TFAP2D: variants seen among roughly 807,000 people sequenced by gnomAD.
TFAP2D encodes the protein transcription factor AP-2-delta.
Under a neutral mutation model 43.6 loss-of-function variants are expected in TFAP2D, and 9 were observed. That is an observed-to-expected ratio of 0.21 (90% CI 0.12 to 0.36). The LOEUF (loss-of-function observed/expected upper bound fraction) is 0.36, where lower values mean the gene tolerates loss of function less well. Among genes scored for constraint, TFAP2D ranks in the 10% least tolerant of loss-of-function variants. The pLI, the probability that TFAP2D is intolerant of heterozygous loss-of-function variation, is 1.00. For missense variants in TFAP2D, 513 were observed against 561.4 expected (o/e 0.91, Z 0.87); for synonymous variants, 256 against 224.9 (o/e 1.14, Z -1.24).
At chr6:50,729,048 G>T in intron 4 of TFAP2D, 27 bp downstream of exon 4, 1 of 1,611,992 alleles carries the variant, frequency 6.2e-7, no homozygotes, top group South Asian at 1.1e-5. Context: ...TTCTGGCACA[G>T]AATTTCTGCT....
At chr6:50,760,529 G>T (rs1769348833) in intron 7 of TFAP2D, among the ~76,000 whole-genome samples, 1 of 152,020 alleles carries the variant, frequency 6.6e-6, no homozygotes, top group Non-Finnish European at 1.5e-5. Context: ...TCAAGGTTTT[G>T]CTTAATGAGT....
At chr6:50,740,022 A>G (rs1769015637) in intron 5 of TFAP2D, among the ~76,000 whole-genome samples, 2 of 152,218 alleles carry the variant, frequency 1.3e-5, no homozygotes, top group Admixed American at 1.3e-4. Flanking sequence ...TCAGGGCATC[A>G]GATATACTTA....
chr6:50,718,253 G>T (rs1028934172), intron 2 of TFAP2D: 1 of 152,076 alleles, frequency 6.6e-6, no homozygotes, highest in Non-Finnish European at 1.5e-5. Flanking sequence ...GAGGCGAAAG[G>T]GAGCCAGGGT....
At chr6:50,756,284 A>G (rs1382404689) in intron 7 of TFAP2D, among the ~76,000 whole-genome samples, 2 of 152,070 alleles carry the variant, frequency 1.3e-5, no homozygotes, top group African/African-American at 2.4e-5. Context: ...GAAAGCAGAC[A>G]ATTGTCAGAG....
At chr6:50,725,777 CT>C (rs1196871684) in intron 3 of TFAP2D, among the ~76,000 whole-genome samples, 1 of 152,138 alleles carries the variant, frequency 6.6e-6, no homozygotes, top group East Asian at 1.9e-4. Context: ...TGACCTACTA[CT>C]TTTTTCCACC....
intron 3 of TFAP2D, among the ~76,000 whole-genome samples, chr6:50,728,575 G>A (rs1292249485): frequency 6.6e-6 from 1 of 152,094 alleles, no homozygotes; most frequent in Non-Finnish European, 1.5e-5. Context: ...TGTGGATGTT[G>A]CCAAAATTAG....
At chr6:50,740,067 G>T (rs1365059602) in intron 5 of TFAP2D, among the ~76,000 whole-genome samples, 1 of 152,144 alleles carries the variant, frequency 6.6e-6, no homozygotes, top group Admixed American at 6.5e-5. Context: ...GCTAAAGCTT[G>T]ATAGTATAAG....
At chr6:50,764,286 T>TTTA (rs1347838358) in intron 7 of TFAP2D, among the ~76,000 whole-genome samples, 1 of 152,204 alleles carries the variant, frequency 6.6e-6, no homozygotes, top group Non-Finnish European at 1.5e-5. Context: ...TATTGCCAGC[T>TTTA]TTAAAGATTG....
chr6:50,733,697 A>C (rs1254120645), intron 5 of TFAP2D, among the ~76,000 whole-genome samples: 2 of 152,088 alleles, frequency 1.3e-5, no homozygotes, highest in African/African-American at 4.8e-5. Context: ...TATTCAAATA[A>C]ATACAAGGAG....
At chr6:50,746,975 A>G (rs1769133881) in intron 6 of TFAP2D, among the ~76,000 whole-genome samples, 1 of 152,192 alleles carries the variant, frequency 6.6e-6, no homozygotes, top group African/African-American at 2.4e-5. Flanking sequence ...AATAGCAGAA[A>G]GAGAGTATGA....
Position 50,746,227 on chromosome 6 carries a change from TTTTG to T in TFAP2D, c.1025+1004_1025+1007del, listed in dbSNP as rs3830761. Among the ~76,000 whole-genome samples the T allele has an allele frequency of 5.5e-3, 826 of 151,046 alleles. 4 individuals carry two copies. The highest frequency in any genetic ancestry group is 0.019 in the African/African-American group (791 of 41,222). ...CTAATTTTTTATTCAGGGAAAAGTA[TTTTG>T]TTTGTTTGTTTGTTTGTTTGTTTGA... On this transcript the variant is annotated intron_variant, in intron 6 of 7. Transcript: ENST00000008391.
chr6:50,760,239 A>G (rs188567520), intron 7 of TFAP2D, among the ~76,000 whole-genome samples: 100 of 152,176 alleles, frequency 6.6e-4, no homozygotes, highest in African/African-American at 2.3e-3. Flanking sequence ...GCAGAAGTTT[A>G]TCATCCTCTT....
chr6:50,769,599 C>T (rs1268771302), intron 7 of TFAP2D, among the ~76,000 whole-genome samples: 1 of 152,106 alleles, frequency 6.6e-6, no homozygotes, highest in African/African-American at 2.4e-5. Context: ...TTTTAAAAAC[C>T]CTGCTCTTAG....
In TFAP2D at chr6:50,715,193, C is replaced by G. The variant is rs764373239; in HGVS notation, c.117C>G (p.Ala39=). ...CLESVANSTV[A]YSSSSPLTYS... is the part of the protein sequence containing the mutation. ...AGTCAGTAGCCAATTCCACTGTCGC[C>G]TATTCCTCCTCCTCTCCTTTAACTT... The change falls in exon 2 of 8, where the codon GCC becomes GCG. Residue 39 remains alanine (A), a synonymous_variant. Transcript: ENST00000008391. The G allele has an allele frequency of 2.4e-5, 39 of 1,613,896 alleles. No individual in the cohort carries two copies. Among genetic ancestry groups the G allele is most frequent in the Non-Finnish European group, 3.2e-5 (38 of 1,180,028 alleles).
At chr6:50,757,463 AATATATATAATTATTCTAT>A (rs1220417423) in intron 7 of TFAP2D, among the ~76,000 whole-genome samples, 1 of 109,124 alleles carries the variant, frequency 9.2e-6, no homozygotes, top group Non-Finnish European at 1.7e-5. Flanking sequence ...ATATATATAT[AATATATATAATTATTCTAT>A]ATATATATAA....
chr6:50,762,688 A>G (rs763525733), intron 7 of TFAP2D, among the ~76,000 whole-genome samples: 27 of 152,238 alleles, frequency 1.8e-4, no homozygotes, highest in Non-Finnish European at 2.6e-4. Flanking sequence ...ACTGTTAAAT[A>G]TAAGTTACAT....
intron 6 of TFAP2D, among the ~76,000 whole-genome samples, chr6:50,746,304 A>G (rs1769124508): frequency 6.6e-6 from 1 of 151,976 alleles, no homozygotes; most frequent in Non-Finnish European, 1.5e-5. Flanking sequence ...TGGTGCGATC[A>G]TGGCTCACTA....
chr6:50,767,737 G>A (rs1024277202), intron 7 of TFAP2D, among the ~76,000 whole-genome samples: 7 of 152,184 alleles, frequency 4.6e-5, no homozygotes, highest in Admixed American at 4.6e-4. Flanking sequence ...TAACGGTCAT[G>A]TTTGGGTATT....
Position 50,715,381 on chromosome 6 carries a change from A to C in TFAP2D, c.305A>C (p.Tyr102Ser). 6.2e-7 allele frequency: 1 copy of C among 1,614,106 alleles called. No individual in the cohort carries two copies. The highest frequency in any genetic ancestry group is 8.5e-7 in the Non-Finnish European group (1 of 1,180,034). ...LNSLHHSQQY[Y>S]QQIHHGEPTD... ...TCTCTCCACCACTCGCAACAGTACT[A>C]CCAGCAGATCCACCACGGGGAGCCC... Residue 102 changes from tyrosine to serine, a missense_variant, in exon 2 of 8, where the codon TAC becomes TCC. Around this residue, in one of 3 missense-constraint regions of TFAP2D, gnomAD observed 311 missense variants for 316.2 expected, o/e 0.98. Coordinates refer to ENST00000008391, the MANE Select transcript of TFAP2D (RefSeq NM_172238.4).
Sources: gnomAD v4.1 joint callset for allele counts (sites outside exome capture counted in the v4.1 genomes callset) on GRCh38, gnomAD v4.1.1 for gene constraint, gnomAD v4.1.1 regional missense constraint, MANE v1.5 for transcripts, NCBI Gene and HGNC (gene_info 2026-07-23, HGNC 2026-07-21) for gene names.